SBK3: variants seen among roughly 807,000 people sequenced by gnomAD.
SBK3 encodes the protein SH3 domain binding kinase family member 3.
In SBK3, 16 loss-of-function variants were observed where a neutral mutation model predicts 12.7. That is an observed-to-expected ratio of 1.26 (90% CI 0.86 to 1.92). SBK3 has a LOEUF of 1.92. Ranked by LOEUF, SBK3 falls within the 40% of genes most tolerant of loss-of-function variation. The pLI, the probability that SBK3 is intolerant of heterozygous loss-of-function variation, is 0.00. For missense variants in SBK3, 462 were observed against 481.8 expected, an observed-to-expected ratio of 0.96 and a Z score of 0.38; for synonymous variants, 217 against 213.6, an observed-to-expected ratio of 1.02 and a Z score of -0.14.
In SBK3 at chr19:55,545,521, G is replaced by A. The variant is rs776310046; in HGVS notation, c.23C>T (p.Thr8Ile). 1.3e-6 allele frequency: 2 copies of A among 1,534,546 alleles called. No homozygotes were observed. Among genetic ancestry groups the A allele is most frequent in the South Asian group, 2.4e-5 (2 of 83,936 alleles). The change falls in exon 1 of 4, where the codon ACC becomes ATC. Residue 8 changes from threonine (T) to isoleucine (I), a missense_variant. Physicochemically the swap from Thr to Ile is moderately conservative, Grantham distance 89. Transcript: ENST00000612221. The surrounding 1 kb of genome is among the most constrained non-coding windows in gnomAD (Gnocchi z 4.4). Reference sequence around the variant, plus strand: ...CACCTCTGGGTCCCCATCCTCAGGGGTCTCGGAGGCCCTGCGCTCCATCTC... The same window carrying A: ...CACCTCTGGGTCCCCATCCTCAGGGATCTCGGAGGCCCTGCGCTCCATCTC... MERRASETPEDGDPEEDT... is the reference protein window; with the variant it reads MERRASEIPEDGDPEEDT...
Position 55,541,170 on chromosome 19 carries a change from G to C in SBK3, c.756C>G (p.Phe252Leu), listed in dbSNP as rs1158784884. ...TGGTCACCCAGCCAGCGAAGGCCTC[G>C]AACTCAGGGTTGGGGGCCAGTGCCA... ...WDVALAPNPEFEAFAGWVTTK... is the reference protein window; with the variant it reads ...WDVALAPNPELEAFAGWVTTK... The change falls in exon 4 of 4, where the codon TTC becomes TTG. Residue 252 changes from phenylalanine (F) to leucine (L), a missense_variant. By Grantham distance (22) the Phe-to-Leu change is conservative (BLOSUM62 0). Transcript: ENST00000612221. This position sits in a 1 kb window ranked among gnomAD's most constrained non-coding sequence, Gnocchi z 5.3. 1 of 1,535,962 alleles carries C rather than the reference G, an allele frequency of 6.5e-7. No individual in the cohort carries two copies. The highest frequency in any genetic ancestry group is 1.2e-5 in the South Asian group (1 of 84,050).
intron 2 of SBK3, 52 bp from the exon 3 acceptor site, chr19:55,544,354 G>C: frequency 7.3e-7 from 1 of 1,373,290 alleles, no homozygotes; most frequent in Non-Finnish European, 9.9e-7. Flanking sequence ...GTCCTGCTGT[G>C]GGGCCTGAGG....
At position 55,544,884 on chromosome 19, in the gene SBK3, C is replaced by T; in HGVS notation, c.111G>A (p.Arg37=). ...TGAGGTGGTACTGGTCCCGAAGGCT[C>T]CTCACCGGGGTCACCCTGCTGGTCG... ...ELTTSRVTPV[R]SLRDQYHLIR... Residue 37 remains arginine, a synonymous_variant, in exon 2 of 4, where the codon AGG becomes AGA. Coordinates refer to ENST00000612221, the MANE Select transcript of SBK3 (RefSeq NM_001199824.2). 1 of 1,534,494 alleles carries T rather than the reference C, an allele frequency of 6.5e-7. No individual in the cohort carries two copies. Among genetic ancestry groups the T allele is most frequent in the Non-Finnish European group, 8.7e-7 (1 of 1,146,464 alleles).
At chr19:55,544,488 G>A (rs1171664222) in intron 2 of SBK3, among the ~76,000 whole-genome samples, 186 bp from the exon 3 acceptor site, 1 of 152,130 alleles carries the variant, frequency 6.6e-6, no homozygotes, top group African/African-American at 2.4e-5. Flanking sequence ...GGACTGCGGC[G>A]TGGGCTTGCA....
Position 55,545,427 on chromosome 19 carries a change from C to T in SBK3, c.45+72G>A. The T allele has an allele frequency of 8.1e-7, 1 of 1,232,752 alleles. No individual in the cohort carries two copies. The highest frequency in any genetic ancestry group is 1.3e-5 in the South Asian group (1 of 76,842). The allele number at this position is 1,232,752 out of a possible 1,614,324, so 76.4% of individuals were successfully genotyped here. A position where few individuals can be genotyped will look rare whatever the true frequency, so the allele number is the denominator to read the frequency against. Reference sequence around the variant, plus strand: ...GTTTTCTGTTTCTCTTCCTCTCTCTCCCCGTGTTGCCTCCTGCCTCTCTCT... The same window carrying T: ...GTTTTCTGTTTCTCTTCCTCTCTCTTCCCGTGTTGCCTCCTGCCTCTCTCT... On this transcript the variant is annotated intron_variant, in intron 1 of 3. Coordinates refer to ENST00000612221, the MANE Select transcript of SBK3 (RefSeq NM_001199824.2). This position sits in a 1 kb window ranked among gnomAD's most constrained non-coding sequence, Gnocchi z 4.4.
rs1412377091 is a variant in SBK3 at position 55,545,023 on chromosome 19, C to T, written c.46-74G>A. 5.9e-6 allele frequency: 7 copies of T among 1,196,408 alleles called. No individual in the cohort carries two copies. The highest frequency in any genetic ancestry group is 2.4e-5 in the Admixed American group (1 of 41,126). 74.1% of individuals were successfully genotyped at this position (1,196,408 alleles called of 1,614,324 possible). A position where few individuals can be genotyped will look rare whatever the true frequency, so the allele number is the denominator to read the frequency against. ...AGAGTGGTGGGGGAGGAGGTCACGG[C>T]GCAGCCCCAGGATGGAGGGTGGGGC... On this transcript the variant is annotated intron_variant, in intron 1 of 3. Transcript: ENST00000612221. The surrounding 1 kb of genome is among the most constrained non-coding windows in gnomAD (Gnocchi z 4.4).
In SBK3 at chr19:55,545,236, T is replaced by A; in HGVS notation, c.45+263A>T. 5.2e-6 allele frequency: 3 copies of A among 580,594 alleles called. No individual in the cohort carries two copies. The South Asian group carries it at 6.4e-5, about 12-fold the overall frequency. The allele number at this position is 580,594 out of a possible 1,614,324, so 36.0% of individuals were successfully genotyped here. ...GGGGGTGCATCCTCAGCCCACACAG[T>A]CCCCCTGCCCACCCTGGTCTCTCTC... is the stretch of plus-strand genomic sequence containing the variant. On this transcript the variant is annotated intron_variant, in intron 1 of 3. Transcript: ENST00000612221. The surrounding 1 kb of genome is among the most constrained non-coding windows in gnomAD (Gnocchi z 4.4).
rs568400367 is a variant in SBK3 at position 55,541,953 on chromosome 19, C to G, written c.400-427G>C. On this transcript the variant is annotated intron_variant, in intron 3 of 3. Transcript: ENST00000612221. The surrounding 1 kb of genome is among the most constrained non-coding windows in gnomAD (Gnocchi z 5.3). ...CTTTTAGCTTCTTTCAAAGATTCTC[C>G]TAACTCAAACACTCAGGCCCACTGT... 1.3e-5 allele frequency among the ~76,000 whole-genome samples: 2 copies of G among 152,304 alleles called. No homozygotes were observed. The highest frequency in any genetic ancestry group is 2.1e-4 in the South Asian group (1 of 4,826).
Position 55,541,372 on chromosome 19 carries a change from C to T in SBK3, c.554G>A (p.Gly185Asp). 6.5e-7 allele frequency: 1 copy of T among 1,535,710 alleles called. No individual in the cohort carries two copies. Among genetic ancestry groups the T allele is most frequent in the Non-Finnish European group, 8.7e-7 (1 of 1,146,756 alleles). Residue 185 changes from glycine (G) to aspartate (D), a missense_variant, in exon 4 of 4, where the codon GGT becomes GAT. Gly to Asp is a moderately conservative substitution (Grantham distance 94). Transcript: ENST00000612221. This position sits in a 1 kb window ranked among gnomAD's most constrained non-coding sequence, Gnocchi z 5.3. ...CGGGCTGCCCTCTGGCCGGGTCAGA[C>T]CCAGGTCTCCCAGGGCCACACGGCT... ...VCSRVALGDL[G>D]LTRPEGSPTP...
intron 3 of SBK3, among the ~76,000 whole-genome samples, chr19:55,543,192 CCCAT>C (rs1568496607): frequency 7.9e-6 from 1 of 126,332 alleles, no homozygotes; most frequent in Admixed American, 7.7e-5. Flanking sequence ...CACCCACCCA[CCCAT>C]CCATCCATCC....
rs1006613977 is a variant in SBK3 at position 55,541,727 on chromosome 19, A to G, written c.400-201T>C. ...AAGAGGCTCTAGATTCCTAAGTCCTAAAAGTTTGACTCTTGGGGTTTGAGA... is the reference window on the plus strand; with the variant it reads ...AAGAGGCTCTAGATTCCTAAGTCCTGAAAGTTTGACTCTTGGGGTTTGAGA... On this transcript the variant is annotated intron_variant, in intron 3 of 3. Coordinates refer to ENST00000612221, the MANE Select transcript of SBK3 (RefSeq NM_001199824.2). This position sits in a 1 kb window ranked among gnomAD's most constrained non-coding sequence, Gnocchi z 5.3. 6.6e-6 allele frequency among the ~76,000 whole-genome samples: 1 copy of G among 152,182 alleles called. No individual in the cohort carries two copies. Among genetic ancestry groups the G allele is most frequent in the African/African-American group, 2.4e-5 (1 of 41,432 alleles).
intron 3 of SBK3, among the ~76,000 whole-genome samples, chr19:55,543,334 A>ATCCATCCCCCCCCCCCCC (rs1988606341): frequency 1.3e-5 from 1 of 75,236 alleles, no homozygotes; most frequent in Non-Finnish European, 2.8e-5. Context: ...CCATCCATCC[A>ATCCATCCCCCCCCCCCCC]CCCACCCACC....
intron 3 of SBK3, among the ~76,000 whole-genome samples, chr19:55,543,339 CCCACCCACCCATCCAT>C (rs1054216169): frequency 4.6e-5 from 4 of 86,714 alleles, no homozygotes; most frequent in Non-Finnish European, 6.8e-5. Flanking sequence ...CATCCACCCA[CCCACCCACCCATCCAT>C]CCACCCACCC....
rs1181790547 is a variant in SBK3 at position 55,544,947 on chromosome 19, C to T, written c.48G>A (p.Glu16=). 1 of 1,529,016 alleles carries T rather than the reference C, an allele frequency of 6.5e-7. No homozygotes were observed. Among genetic ancestry groups the T allele is most frequent in the Non-Finnish European group, 8.7e-7 (1 of 1,144,112 alleles). 94.7% of individuals were successfully genotyped at this position (1,529,016 alleles called of 1,614,324 possible). ...GCCGTTGGAGGGCTGTGGCTGTGTC[C>T]TCCTACGGGAGAGGGGCAGGGTGAG... ...SETPEDGDPE[E]DTATALQRLV... The change falls in exon 2 of 4, where the codon GAG becomes GAA. Residue 16 remains glutamate (E), a splice_region_variant and synonymous_variant. Transcript: ENST00000612221.
In SBK3 at chr19:55,541,216, G is replaced by A; in HGVS notation, c.710C>T (p.Thr237Ile). ...TGCCACGTCCCAAGGGAAACAGGCA[G>A]TGGCAGCACAGAAGAGAAGCACCCC... ...GLGVLLFCAA[T>I]ACFPWDVALA... Residue 237 changes from threonine (T) to isoleucine (I), a missense_variant, in exon 4 of 4, where the codon ACT becomes ATT. By Grantham distance (89) the Thr-to-Ile change is moderately conservative. Transcript: ENST00000612221. The surrounding 1 kb of genome is among the most constrained non-coding windows in gnomAD (Gnocchi z 5.3). The A allele has an allele frequency of 6.5e-7, 1 of 1,536,128 alleles. No individual in the cohort carries two copies. Among genetic ancestry groups the A allele is most frequent in the South Asian group, 1.2e-5 (1 of 84,066 alleles).
chr19:55,543,610 T>C (rs1359830699), intron 3 of SBK3, among the ~76,000 whole-genome samples: 1 of 152,098 alleles, frequency 6.6e-6, no homozygotes, highest in Non-Finnish European at 1.5e-5. Context: ...GGTTCTGTCC[T>C]GACCTGGTCT....
At chr19:55,543,787 C>T (rs972395288) in intron 3 of SBK3, among the ~76,000 whole-genome samples, 2 of 152,114 alleles carry the variant, frequency 1.3e-5, no homozygotes, top group African/African-American at 4.8e-5. Context: ...ATGCCCACAC[C>T]CTAACCTCAG....
chr19:55,544,185 G>A lies in SBK3; in HGVS notation c.314C>T (p.Ala105Val), dbSNP rs768503474. 22 of 1,535,864 alleles carry A rather than the reference G, an allele frequency of 1.4e-5. No homozygotes were observed. The highest frequency in any genetic ancestry group is 1.8e-5 in the Non-Finnish European group (21 of 1,146,850). ...SAHPGLLQTL[A>V]GPLQTPRYFA... ...ATAGCGGGGGGTCTGTAGGGGTCCTGCCAGGGTCTGCAGCAGGCCTGGGTG... is the reference window on the plus strand; with the variant it reads ...ATAGCGGGGGGTCTGTAGGGGTCCTACCAGGGTCTGCAGCAGGCCTGGGTG... The change falls in exon 3 of 4, where the codon GCA becomes GTA. Residue 105 changes from alanine (A) to valine (V), a missense_variant. Physicochemically the swap from Ala to Val is moderately conservative, Grantham distance 64. Transcript: ENST00000612221.
In SBK3 at chr19:55,544,882, C is replaced by T. The variant is rs1302601770; in HGVS notation, c.113G>A (p.Ser38Asn). ...LTTSRVTPVR[S>N]LRDQYHLIRK... Reference sequence around the variant, plus strand: ...GATGAGGTGGTACTGGTCCCGAAGGCTCCTCACCGGGGTCACCCTGCTGGT... The same window carrying T: ...GATGAGGTGGTACTGGTCCCGAAGGTTCCTCACCGGGGTCACCCTGCTGGT... Residue 38 changes from serine to asparagine, a missense_variant, in exon 2 of 4, where the codon AGC (serine) becomes AAC (asparagine). By Grantham distance (46) the Ser-to-Asn change is conservative (BLOSUM62 1). Transcript: ENST00000612221. 6.5e-7 allele frequency: 1 copy of T among 1,534,518 alleles called. No individual in the cohort carries two copies. Among genetic ancestry groups the T allele is most frequent in the South Asian group, 1.2e-5 (1 of 83,986 alleles).
Sources: allele counts gnomAD v4.1 joint callset (sites outside exome capture counted in the v4.1 genomes callset), GRCh38; gene constraint gnomAD v4.1.1; non-coding constraint Gnocchi (gnomAD v3.1); transcripts MANE v1.5; gene names NCBI Gene and HGNC (gene_info 2026-07-23, HGNC 2026-07-21).